Variants in DAB1 observed in about 807,000 individuals in gnomAD.
DAB1 encodes DAB adaptor protein 1.
A neutral mutation model predicts 64.6 loss-of-function variants in DAB1; 15 were observed. The ratio of observed to expected loss-of-function variants is 0.23; its 90% CI spans 0.16 to 0.36. DAB1 has a LOEUF of 0.36. Ranked by LOEUF, DAB1 falls within the 10% of genes least tolerant of loss-of-function variation. The probability of loss-of-function intolerance (pLI) is 1.00; values close to 1 mark genes in which losing one functional copy is unlikely to be tolerated. For synonymous variants in DAB1, 235 were observed against 251.9 expected (o/e 0.93, Z 0.64); for missense variants, 596 against 706.7 (o/e 0.84, Z 1.78).
intron 2 of DAB1, among the ~76,000 whole-genome samples, chr1:57,288,932 A>G (rs1558097749): frequency 1.3e-5 from 2 of 152,212 alleles, no homozygotes; most frequent in East Asian, 3.9e-4. Flanking sequence ...CTGTAATATT[A>G]TATACCCATT....
rs118079252 is a variant in DAB1, at chr1:57,808,138, C to T, written n.551+75861G>A. On this transcript the variant is annotated intron_variant and non_coding_transcript_variant, in intron 6 of 20. Coordinates refer to the DAB1 transcript ENST00000485760. ...AAGGGTCAACTGTATTATATTCTCC[C>T]TCTCTCTCTCTGACTCTCCCTTTCT... 9.5e-4 allele frequency among the ~76,000 whole-genome samples: 144 copies of T among 151,130 alleles called. 1 individual carries two copies. The East Asian group carries it at 0.014, about 14-fold the overall frequency.
Position 57,062,942 on chromosome 1 carries a change from A to C in DAB1, c.665T>G (p.Val222Gly). 1 of 1,614,048 alleles carries C rather than the reference A, an allele frequency of 6.2e-7. No individual in the cohort carries two copies. ...DPETEENIYQ[V>G]PTSQKKEGVY... ...ACCTTCCTTCTTTTGGCTGGTGGGA[A>C]CCTATGGAAAAATTAAATTCAGCAC... Residue 222 changes from valine (V) to glycine (G), a missense_variant and splice_region_variant, in exon 9 of 15, where the codon GTT (valine) becomes GGT (glycine). Physicochemically the swap from Val to Gly is moderately radical, Grantham distance 109 (BLOSUM62 -3). This residue lies in a region of DAB1 where 176 missense variants were observed against 266.7 expected (regional missense o/e 0.66). Coordinates refer to ENST00000371236, the MANE Select transcript of DAB1 (RefSeq NM_001365792.1).
chr1:58,313,856 TGAGA>T (rs3055509), intron 4 of DAB1, among the ~76,000 whole-genome samples: 81 of 112,162 alleles, frequency 7.2e-4, no homozygotes, highest in South Asian at 1.7e-3. Context: ...TGTGTGTGTG[TGAGA>T]GAGAGAGAGA....
In DAB1 at chr1:57,562,968, T is replaced by C. The variant is rs185456005; in HGVS notation, n.625+86624A>G. On this transcript the variant is annotated intron_variant and non_coding_transcript_variant, in intron 7 of 20. Coordinates refer to the DAB1 transcript ENST00000485760. ...GTAAGGAAGAGTATATATATATAAA[T>C]AGGAGGCCATTAGGGCGTCTCTTAG... Among the ~76,000 whole-genome samples, 6 of 152,178 alleles carry C rather than the reference T, an allele frequency of 3.9e-5. No homozygotes were observed. The East Asian group carries it at 1.2e-3, about 29-fold the overall frequency.
At chr1:58,052,599 T>C (rs967965429) in intron 5 of DAB1, among the ~76,000 whole-genome samples, 5 of 152,210 alleles carry the variant, frequency 3.3e-5, no homozygotes, top group Admixed American at 2.6e-4. Context: ...ATTGGTAGCT[T>C]GATGGGGATG....
intron 7 of DAB1, among the ~76,000 whole-genome samples, chr1:57,526,754 A>C (rs1644598278): frequency 6.6e-6 from 1 of 152,222 alleles, no homozygotes; most frequent in South Asian, 2.1e-4. Flanking sequence ...CATTTGCCTA[A>C]CTAAAAATAA....
chr1:58,162,956 T>C (rs1005009730), intron 4 of DAB1, among the ~76,000 whole-genome samples: 1 of 152,120 alleles, frequency 6.6e-6, no homozygotes, highest in African/African-American at 2.4e-5. Flanking sequence ...AACTGAGGGA[T>C]TGGTACTACA....
At chr1:58,191,835 C>T (rs994543189) in intron 4 of DAB1, among the ~76,000 whole-genome samples, 9 of 152,106 alleles carry the variant, frequency 5.9e-5, no homozygotes, top group South Asian at 4.2e-4. Flanking sequence ...ACAGAAGGAC[C>T]TCATTAAAGT....
chr1:58,355,514 G>C (rs1264547319), intron 3 of DAB1, among the ~76,000 whole-genome samples: 1 of 151,394 alleles, frequency 6.6e-6, no homozygotes, highest in Admixed American at 6.6e-5. Flanking sequence ...AGACCTCTCA[G>C]CTTTCTTGTC....
intron 5 of DAB1, among the ~76,000 whole-genome samples, chr1:57,976,728 C>A (rs976916033): frequency 6.6e-6 from 1 of 152,184 alleles, no homozygotes; most frequent in Non-Finnish European, 1.5e-5. Context: ...GATATACTTT[C>A]TCTGTAGAGA....
intron 7 of DAB1, among the ~76,000 whole-genome samples, chr1:57,584,823 CTA>C (rs1246758068): frequency 2.6e-5 from 4 of 152,192 alleles, no homozygotes; most frequent in Non-Finnish European, 5.9e-5. Context: ...ATTAGTTTCT[CTA>C]CCCCTTGTCA....
At chr1:57,129,143 T>C (rs944328529) in intron 4 of DAB1, among the ~76,000 whole-genome samples, 12 of 152,160 alleles carry the variant, frequency 7.9e-5, no homozygotes, top group Non-Finnish European at 1.5e-4. Flanking sequence ...AGAGGAATCA[T>C]CAAGAAAATT....
At chr1:57,089,314 G>T (rs1372563794) in intron 4 of DAB1, among the ~76,000 whole-genome samples, 1 of 152,168 alleles carries the variant, frequency 6.6e-6, no homozygotes, top group East Asian at 1.9e-4. Flanking sequence ...AGTGTTTGTG[G>T]AATGTATTAG....
At chr1:58,392,855 A>G (rs1452711735) in intron 3 of DAB1, among the ~76,000 whole-genome samples, 2 of 152,034 alleles carry the variant, frequency 1.3e-5, no homozygotes, top group African/African-American at 4.8e-5. Flanking sequence ...GTTTCCTTCC[A>G]TCTCAGATCT....
chr1:58,046,942 C>T (rs192765891), intron 5 of DAB1, among the ~76,000 whole-genome samples: 1 of 152,180 alleles, frequency 6.6e-6, no homozygotes, highest in African/African-American at 2.4e-5. Flanking sequence ...CCCAGCCGTG[C>T]CACTTACTGG....
intron 5 of DAB1, among the ~76,000 whole-genome samples, chr1:58,012,263 G>A (rs1278446825): frequency 6.6e-6 from 1 of 152,106 alleles, no homozygotes; most frequent in South Asian, 2.1e-4. Flanking sequence ...CAGAGTAATT[G>A]ATTATAGCTA....
intron 2 of DAB1, among the ~76,000 whole-genome samples, chr1:57,250,714 G>A (rs559204883): frequency 7.6e-4 from 116 of 152,144 alleles, no homozygotes; most frequent in African/African-American, 2.7e-3. Flanking sequence ...TGCTCACCAG[G>A]CAACAGCTGT....
chr1:58,266,615 A>G (rs1661168788), intron 4 of DAB1, among the ~76,000 whole-genome samples: 2 of 152,208 alleles, frequency 1.3e-5, no homozygotes, highest in African/African-American at 4.8e-5. Context: ...GCAACCCTTT[A>G]TCCCAGGCTC....
chr1:58,403,568 A>T (rs1418559136), intron 3 of DAB1, among the ~76,000 whole-genome samples: 2 of 152,186 alleles, frequency 1.3e-5, no homozygotes, highest in African/African-American at 4.8e-5. Flanking sequence ...CCCATTTCAA[A>T]CCCAATTAAT....
Sources: gnomAD v4.1 joint callset for allele counts (sites outside exome capture counted in the v4.1 genomes callset) on GRCh38, gnomAD v4.1.1 for gene constraint, gnomAD v4.1.1 regional missense constraint, MANE v1.5 for transcripts, NCBI Gene and HGNC (gene_info 2026-07-23, HGNC 2026-07-21) for gene names.